Variants in RGPD2 observed in about 807,000 individuals in gnomAD.
RGPD2 encodes RANBP2 like and GRIP domain containing 2, also known as RANBP2-like and GRIP domain-containing protein 2.
A neutral mutation model predicts 36.0 loss-of-function variants in RGPD2; 2 were observed. The observed-to-expected ratio is 0.06, with a 90% CI of 0.02 to 0.17. The LOEUF (loss-of-function observed/expected upper bound fraction) is 0.17. RGPD2 is among the 10% of genes least tolerant of loss of function. RGPD2 has a pLI of 1.00. For missense variants in RGPD2, 40 were observed against 464.3 expected (o/e 0.09, Z 8.40); for synonymous variants, 19 against 163.8 (o/e 0.12, Z 6.75).
chr2:87,984,650 G>A, the RGPD2 span, among the ~76,000 whole-genome samples: 8 of 145,740 alleles, frequency 5.5e-5, no homozygotes, highest in East Asian at 1.4e-3. Context: ...GGATTTGCTG[G>A]CCAGGCACGG....
the RGPD2 span, among the ~76,000 whole-genome samples, chr2:87,854,823 C>A: frequency 6.6e-6 from 1 of 152,066 alleles, no homozygotes; most frequent in Non-Finnish European, 1.5e-5. Context: ...ATAAATAAAG[C>A]TGTTGTAAAA....
chr2:87,836,205 A>C, the RGPD2 span, among the ~76,000 whole-genome samples: 1 of 151,558 alleles, frequency 6.6e-6, no homozygotes, highest in Non-Finnish European at 1.5e-5. Flanking sequence ...GAAAAAGAAA[A>C]AATATTAGTG....
chr2:87,917,930 T>C, the RGPD2 span, among the ~76,000 whole-genome samples: 2 of 121,548 alleles, frequency 1.6e-5, 1 homozygote, highest in African/African-American at 7.4e-5. Flanking sequence ...TAATATTTTA[T>C]AACCATTAAA....
the RGPD2 span, chr2:87,985,665 C>T: frequency 7.3e-7 from 1 of 1,374,274 alleles, no homozygotes; most frequent in Non-Finnish European, 1.0e-6. Context: ...TGTTATATTA[C>T]CAATTATGCA....
the RGPD2 span, among the ~76,000 whole-genome samples, chr2:87,911,962 C>T: frequency 4.6e-5 from 7 of 151,930 alleles, no homozygotes; most frequent in Admixed American, 6.6e-5. Flanking sequence ...TGGACCAAAA[C>T]ATTTGCTTCT....
At chr2:87,882,828 A>G in the RGPD2 span, among the ~76,000 whole-genome samples, 1 of 152,114 alleles carries the variant, frequency 6.6e-6, no homozygotes, top group Non-Finnish European at 1.5e-5. Context: ...ACATTTAATT[A>G]TAAATATTTT....
the RGPD2 span, among the ~76,000 whole-genome samples, chr2:87,974,480 C>T: frequency 6.6e-5 from 10 of 152,006 alleles, no homozygotes; most frequent in South Asian, 4.2e-4. Context: ...TTCTTTACTG[C>T]TCTGTGACTA....
intron 20 of RGPD2, among the ~76,000 whole-genome samples, chr2:87,781,667 G>C (rs995681288): frequency 6.6e-6 from 1 of 150,400 alleles, no homozygotes; most frequent in African/African-American, 2.5e-5. Context: ...TCACCACATT[G>C]GCCAGGCTGG....
chr2:87,921,839 A>C, the RGPD2 span, among the ~76,000 whole-genome samples: 3 of 152,184 alleles, frequency 2.0e-5, no homozygotes, highest in East Asian at 5.8e-4. Context: ...AACTGCCCAC[A>C]GTCAGAGGAA....
At chr2:87,930,648 C>T in the RGPD2 span, among the ~76,000 whole-genome samples, 7 of 151,460 alleles carry the variant, frequency 4.6e-5, no homozygotes, top group African/African-American at 9.7e-5. Context: ...GGCTCCAGCT[C>T]TTCTTGGTAC....
the RGPD2 span, among the ~76,000 whole-genome samples, chr2:87,939,417 G>A: frequency 6.6e-6 from 1 of 151,928 alleles, no homozygotes; most frequent in Admixed American, 6.6e-5. Context: ...GTGTCTTATT[G>A]TTTGCAAGTC....
At chr2:87,864,958 G>C in the RGPD2 span, among the ~76,000 whole-genome samples, 4 of 151,968 alleles carry the variant, frequency 2.6e-5, no homozygotes, top group African/African-American at 9.7e-5. Flanking sequence ...CTAATTTATA[G>C]GTGTGACCAT....
the RGPD2 span, among the ~76,000 whole-genome samples, chr2:87,832,736 G>A: frequency 6.6e-6 from 1 of 151,882 alleles, no homozygotes; most frequent in African/African-American, 2.4e-5. Flanking sequence ...TGAGAGAATT[G>A]CTTGAGTCTA....
the RGPD2 span, among the ~76,000 whole-genome samples, chr2:87,840,099 A>G: frequency 7.2e-6 from 1 of 138,756 alleles, no homozygotes; most frequent in African/African-American, 2.7e-5. Context: ...TGGATATAGG[A>G]TCTCTGCGTA....
intron 22 of RGPD2, among the ~76,000 whole-genome samples, chr2:87,760,897 G>T (rs549803839): frequency 6.7e-6 from 1 of 150,116 alleles, no homozygotes; most frequent in Non-Finnish European, 1.5e-5. Context: ...CATTATAGGC[G>T]TAAGCCACCA....
chr2:87,887,304 A>G, the RGPD2 span, among the ~76,000 whole-genome samples: 3 of 151,472 alleles, frequency 2.0e-5, no homozygotes, highest in Non-Finnish European at 3.0e-5. Context: ...AGTAAAAAAC[A>G]TTCGTGTGTT....
the RGPD2 span, among the ~76,000 whole-genome samples, chr2:87,857,556 A>G: frequency 9.2e-4 from 138 of 149,860 alleles, no homozygotes; most frequent in Non-Finnish European, 3.4e-4. Context: ...GTTAGCCAGG[A>G]TGGTCTCGAT....
At chr2:87,841,230 T>C in the RGPD2 span, among the ~76,000 whole-genome samples, 1 of 151,440 alleles carries the variant, frequency 6.6e-6, no homozygotes, top group Non-Finnish European at 1.5e-5. Flanking sequence ...CCCCCTTCTC[T>C]CTTGCTCCTG....
chr2:87,941,053 C>T, the RGPD2 span, among the ~76,000 whole-genome samples: 5 of 151,768 alleles, frequency 3.3e-5, no homozygotes, highest in African/African-American at 1.2e-4. Context: ...GAACAGACAT[C>T]CTAGAAACTG....
Sources: gnomAD v4.1 joint callset for allele counts (sites outside exome capture counted in the v4.1 genomes callset) on GRCh38, gnomAD v4.1.1 for gene constraint, MANE v1.5 for transcripts, NCBI Gene and HGNC (gene_info 2026-07-23, HGNC 2026-07-21) for gene names.